The following GRIK3 variants were observed in gnomAD, a reference collection of about 807,000 sequenced individuals.
GRIK3 encodes the protein glutamate receptor ionotropic, kainate 3.
Under a neutral mutation model 102.5 loss-of-function variants are expected in GRIK3, and 29 were observed. The ratio of observed to expected loss-of-function variants is 0.28; its 90% CI spans 0.21 to 0.39. The LOEUF (loss-of-function observed/expected upper bound fraction) is 0.39. Among genes scored for constraint, GRIK3 ranks in the 10% least tolerant of loss-of-function variants. The pLI, the probability that GRIK3 is intolerant of heterozygous loss-of-function variation, is 1.00. For synonymous variants in GRIK3, 511 were observed against 504.9 expected, an observed-to-expected ratio of 1.01 and a Z score of -0.16; for missense variants, 908 against 1,252.4, an observed-to-expected ratio of 0.73 and a Z score of 4.15.
At chr1:36,833,570 G>A (rs947012097) in intron 10 of GRIK3, among the ~76,000 whole-genome samples, 1 of 152,248 alleles carries the variant, frequency 6.6e-6, no homozygotes, top group African/African-American at 2.4e-5. Flanking sequence ...CCAGGCTGGG[G>A]CAATGGGATT....
intron 1 of GRIK3, among the ~76,000 whole-genome samples, chr1:36,962,755 C>T (rs570596758): frequency 3.6e-4 from 55 of 151,156 alleles, no homozygotes; most frequent in Admixed American, 1.3e-3. Context: ...CCAATACAAA[C>T]GGATAAAAAA....
Position 36,795,691 on chromosome 1 carries a change from A to G in GRIK3, c.*6160T>C, listed in dbSNP as rs1444756019. On this transcript the variant is annotated 3_prime_UTR_variant, in exon 16 of 16. Transcript: ENST00000373091. ...ATGATTGGCAAGTAACACAGTTACT[A>G]TGAAACCCAAATTGTTACAAAATGT... 1 of 152,268 alleles carries G rather than the reference A, an allele frequency of 6.6e-6. No homozygotes were observed. Among genetic ancestry groups the G allele is most frequent in the Non-Finnish European group, 1.5e-5 (1 of 68,050 alleles). The allele number at this position is 152,268 out of a possible 1,614,324, so 9.4% of individuals were successfully genotyped here.
In GRIK3 at chr1:36,819,947, G is replaced by T; in HGVS notation, c.1755-93C>A. 2.8e-6 allele frequency: 2 copies of T among 707,320 alleles called. No homozygotes were observed. The highest frequency in any genetic ancestry group is 5.2e-6 in the Non-Finnish European group (2 of 384,842). 43.8% of individuals were successfully genotyped at this position (707,320 alleles called of 1,614,324 possible). On this transcript the variant is annotated intron_variant, in intron 11 of 15. Coordinates refer to ENST00000373091, the MANE Select transcript of GRIK3 (RefSeq NM_000831.4). The surrounding 1 kb of genome is among the most constrained non-coding windows in gnomAD (Gnocchi z 4.1). Reference sequence around the variant, plus strand: ...TTTAGCAAACACAGCTGTGCCAGCCGCCTCAGCGTCAATATCCTCATGGTT... The same window carrying T: ...TTTAGCAAACACAGCTGTGCCAGCCTCCTCAGCGTCAATATCCTCATGGTT...
intron 13 of GRIK3, among the ~76,000 whole-genome samples, chr1:36,816,132 G>A (rs879358524): frequency 6.6e-6 from 1 of 152,132 alleles, no homozygotes; most frequent in Admixed American, 6.5e-5. Flanking sequence ...CAGGGCCCTC[G>A]AGGAAGGTAG....
chr1:36,924,985 G>C (rs780900458), intron 1 of GRIK3, among the ~76,000 whole-genome samples: 1 of 152,152 alleles, frequency 6.6e-6, no homozygotes, highest in Non-Finnish European at 1.5e-5. Flanking sequence ...GTGAAAGGCA[G>C]TATTTACAAA....
At chr1:36,860,510 C>G (rs573814713) in intron 5 of GRIK3, among the ~76,000 whole-genome samples, 1 of 152,188 alleles carries the variant, frequency 6.6e-6, no homozygotes, top group Admixed American at 6.5e-5. Context: ...CTTCTCTCCC[C>G]CTTTTCCCCC....
In GRIK3 at chr1:36,872,988, G is replaced by T. The variant is rs1640860229; in HGVS notation, c.551-619C>A. Among the ~76,000 whole-genome samples, 1 of 152,168 alleles carries T rather than the reference G, an allele frequency of 6.6e-6. No individual in the cohort carries two copies. The highest frequency in any genetic ancestry group is 2.4e-5 in the African/African-American group (1 of 41,438). ...GTCCTCACTAAGGGCAGTCTGCCTT[G>T]GTAAACCTTACCCACTTTTTCAGGT... is the stretch of plus-strand genomic sequence containing the variant. On this transcript the variant is annotated intron_variant, in intron 3 of 15. Transcript: ENST00000373091. This position sits in a 1 kb window ranked among gnomAD's most constrained non-coding sequence, Gnocchi z 5.9.
intron 1 of GRIK3, among the ~76,000 whole-genome samples, chr1:36,902,098 G>A (rs181271713): frequency 3.3e-5 from 5 of 152,246 alleles, no homozygotes; most frequent in Admixed American, 3.3e-4. Flanking sequence ...AATAAATGGA[G>A]AGACCTTCAA....
intron 1 of GRIK3, among the ~76,000 whole-genome samples, chr1:36,897,352 C>T (rs968986559): frequency 6.6e-6 from 1 of 152,118 alleles, no homozygotes; most frequent in South Asian, 2.1e-4. Flanking sequence ...TAACAATTAA[C>T]AATCTGAAAA....
intron 10 of GRIK3, among the ~76,000 whole-genome samples, chr1:36,836,653 A>C (rs1640382654): frequency 4.6e-5 from 7 of 152,164 alleles, no homozygotes; most frequent in Admixed American, 4.6e-4. Context: ...TCCATACTTC[A>C]TCTTGGTCCA....
chr1:36,975,686 C>T (rs1642189426), intron 1 of GRIK3, among the ~76,000 whole-genome samples: 1 of 152,156 alleles, frequency 6.6e-6, no homozygotes, highest in African/African-American at 2.4e-5. Flanking sequence ...TTTAAACTAT[C>T]GGTTTTGGGA....
intron 13 of GRIK3, among the ~76,000 whole-genome samples, chr1:36,810,734 T>A (rs953210051): frequency 2.6e-5 from 4 of 152,226 alleles, no homozygotes; most frequent in African/African-American, 9.6e-5. Flanking sequence ...GAGTGTGGAA[T>A]CTTTGGCCTT....
chr1:36,866,475 G>A (rs938843357), intron 5 of GRIK3, among the ~76,000 whole-genome samples: 1 of 152,228 alleles, frequency 6.6e-6, no homozygotes, highest in Non-Finnish European at 1.5e-5. Context: ...AACTGGGAGA[G>A]TCTATCTCCC....
At chr1:36,937,732 C>T (rs1405889901) in intron 1 of GRIK3, among the ~76,000 whole-genome samples, 1 of 152,162 alleles carries the variant, frequency 6.6e-6, no homozygotes, top group Non-Finnish European at 1.5e-5. Context: ...AACAGCCATT[C>T]CAATTGCGAT....
chr1:36,934,375 T>G (rs532400784), intron 1 of GRIK3, among the ~76,000 whole-genome samples: 1 of 152,198 alleles, frequency 6.6e-6, no homozygotes, highest in Admixed American at 6.5e-5. Context: ...AATCTCATAT[T>G]CCTTATGCTA....
chr1:36,949,943 A>G (rs1641826703), intron 1 of GRIK3, among the ~76,000 whole-genome samples: 1 of 152,102 alleles, frequency 6.6e-6, no homozygotes, highest in African/African-American at 2.4e-5. Context: ...CAGAGTGGTC[A>G]AGCAACCTTC....
At chr1:36,906,958 C>T (rs1382713087) in intron 1 of GRIK3, among the ~76,000 whole-genome samples, 3 of 152,090 alleles carry the variant, frequency 2.0e-5, no homozygotes, top group Non-Finnish European at 4.4e-5. Flanking sequence ...TGATGAATAT[C>T]CTAAGTATGC....
intron 2 of GRIK3, among the ~76,000 whole-genome samples, chr1:36,886,729 T>G (rs1440165508): frequency 1.3e-5 from 2 of 152,230 alleles, no homozygotes; most frequent in Non-Finnish European, 2.9e-5. Flanking sequence ...ATAATTTCAT[T>G]CATACGTCAT....
intron 1 of GRIK3, among the ~76,000 whole-genome samples, chr1:36,987,973 C>T (rs556087035): frequency 6.6e-6 from 1 of 152,262 alleles, no homozygotes; most frequent in African/African-American, 2.4e-5. Context: ...GTCAGAGGGG[C>T]CAAGAGCTTT....
Sources: allele counts gnomAD v4.1 joint callset (sites outside exome capture counted in the v4.1 genomes callset), GRCh38; gene constraint gnomAD v4.1.1; non-coding constraint Gnocchi (gnomAD v3.1); transcripts MANE v1.5; gene names NCBI Gene and HGNC (gene_info 2026-07-23, HGNC 2026-07-21).